ADD3: variants seen among roughly 807,000 people sequenced by gnomAD.
ADD3 encodes adducin 3.
Under a neutral mutation model 80.2 loss-of-function variants are expected in ADD3, and 25 were observed. That is an observed-to-expected ratio of 0.31 (90% CI 0.23 to 0.44). ADD3 has a LOEUF of 0.44. Among genes scored for constraint, ADD3 ranks in the 20% least tolerant of loss-of-function variants. ADD3 has a pLI of 1.00. For synonymous variants in ADD3, 284 were observed against 289.6 expected (o/e 0.98, Z 0.20); for missense variants, 829 against 847.5 (o/e 0.98, Z 0.27).
chr10:110,067,348 ATTAC>A (rs1844086252), intron 1 of ADD3, among the ~76,000 whole-genome samples: 1 of 152,172 alleles, frequency 6.6e-6, no homozygotes, highest in Admixed American at 6.5e-5. Context: ...ATATTATGTT[ATTAC>A]TTCTCATTTG....
upstream of ADD3, among the ~76,000 whole-genome samples, chr10:110,005,391 C>T (rs1176735867): frequency 1.3e-5 from 2 of 152,168 alleles, no homozygotes; most frequent in African/African-American, 4.8e-5. Flanking sequence ...CATGAGCACA[C>T]ATTGAAACCT....
intron 1 of ADD3, among the ~76,000 whole-genome samples, chr10:110,098,788 C>T (rs1488562817): frequency 6.6e-6 from 1 of 152,106 alleles, no homozygotes; most frequent in East Asian, 1.9e-4. Flanking sequence ...TACCACCACG[C>T]CCAACTAATT....
chr10:110,094,560 T>G (rs2133896335), intron 1 of ADD3, among the ~76,000 whole-genome samples: 1 of 152,296 alleles, frequency 6.6e-6, no homozygotes, highest in Non-Finnish European at 1.5e-5. Flanking sequence ...CCAGGTTCAT[T>G]TGGGTTTTTT....
At chr10:110,094,393 A>AG (rs1322311069) in intron 1 of ADD3, among the ~76,000 whole-genome samples, 11 of 152,214 alleles carry the variant, frequency 7.2e-5, no homozygotes, top group African/African-American at 2.7e-4. Context: ...TCTCATCTGT[A>AG]AAAAGTGATC....
intron 1 of ADD3, among the ~76,000 whole-genome samples, chr10:110,076,430 T>G (rs568789392): frequency 1.3e-5 from 2 of 152,332 alleles, no homozygotes; most frequent in South Asian, 4.1e-4. Flanking sequence ...AATTTTCTTT[T>G]TTACATGTAC....
intron 2 of ADD3, among the ~76,000 whole-genome samples, chr10:110,103,498 T>C (rs903795229): frequency 3.3e-5 from 5 of 152,228 alleles, no homozygotes; most frequent in African/African-American, 1.2e-4. Flanking sequence ...GGACTTTTTC[T>C]AAAGCTGCTT....
At chr10:110,069,087 A>AG in intron 1 of ADD3, among the ~76,000 whole-genome samples, 1 of 152,116 alleles carries the variant, frequency 6.6e-6, no homozygotes, top group African/African-American at 2.4e-5. Flanking sequence ...AAAAAAAAAA[A>AG]ATTGCCTGTA....
At chr10:110,075,288 A>G (rs1845258192) in intron 1 of ADD3, among the ~76,000 whole-genome samples, 1 of 150,860 alleles carries the variant, frequency 6.6e-6, no homozygotes, top group Admixed American at 6.6e-5. Flanking sequence ...AAGGGAGAAT[A>G]TTTTTTCATG....
At chr10:110,080,717 T>C (rs1329309811) in intron 1 of ADD3, among the ~76,000 whole-genome samples, 1 of 152,254 alleles carries the variant, frequency 6.6e-6, no homozygotes, top group East Asian at 1.9e-4. Flanking sequence ...GCTTTGAAAC[T>C]TGGCTTCAGG....
intron 1 of ADD3, among the ~76,000 whole-genome samples, chr10:110,058,530 C>T (rs867629399): frequency 3.3e-5 from 5 of 152,148 alleles, no homozygotes; most frequent in African/African-American, 7.2e-5. Flanking sequence ...ATCATACCCA[C>T]GGTGATAGTA....
chr10:110,025,886 CTTCTT>C (rs1854229400), intron 1 of ADD3, among the ~76,000 whole-genome samples: 1 of 151,976 alleles, frequency 6.6e-6, no homozygotes, highest in Non-Finnish European at 1.5e-5. Flanking sequence ...AGATTTGAGG[CTTCTT>C]TTCAAGATAT....
rs1415782765 is a variant in ADD3, at chr10:110,134,320, TTAACTC to T, written c.*704_*709del. 2 of 129,992 alleles carry T rather than the reference TTAACTC, an allele frequency of 1.5e-5. No individual in the cohort carries two copies. The highest frequency in any genetic ancestry group is 3.4e-5 in the African/African-American group (1 of 29,302). The allele number at this position is 129,992 out of a possible 1,614,324, so 8.1% of individuals were successfully genotyped here. A position where few individuals can be genotyped will look rare whatever the true frequency, so the allele number is the denominator to read the frequency against. ...GTACACATAACATGGGTTATTTAGT[TTAACTC>T]TGGCAAAAAAAAAAAAAAAAATTTT... On this transcript the variant is annotated 3_prime_UTR_variant, in exon 15 of 15. Transcript: ENST00000356080.
upstream of ADD3, among the ~76,000 whole-genome samples, chr10:110,005,275 T>C (rs756738254): frequency 1.3e-5 from 2 of 151,160 alleles, no homozygotes; most frequent in African/African-American, 2.4e-5. Context: ...TTGGCCAGGC[T>C]GGTCTTGAAC....
At chr10:110,085,686 C>A (rs765513626) in intron 1 of ADD3, among the ~76,000 whole-genome samples, 1 of 152,176 alleles carries the variant, frequency 6.6e-6, no homozygotes, top group East Asian at 1.9e-4. Context: ...AAGACTGAGA[C>A]GTGGGCCCTA....
At chr10:110,024,350 A>G (rs556512834) in intron 1 of ADD3, among the ~76,000 whole-genome samples, 1 of 152,350 alleles carries the variant, frequency 6.6e-6, no homozygotes, top group South Asian at 2.1e-4. Flanking sequence ...GTAAGCACCT[A>G]TAATAAATTA....
At chr10:110,002,904 A>C (rs1851513549), upstream of ADD3, among the ~76,000 whole-genome samples, 1 of 152,226 alleles carries the variant, frequency 6.6e-6, no homozygotes, top group African/African-American at 2.4e-5. Flanking sequence ...ATGTTGACGA[A>C]TCCTTGAGTA....
intron 1 of ADD3, among the ~76,000 whole-genome samples, chr10:110,088,984 G>A (rs1847140107): frequency 6.6e-6 from 1 of 152,060 alleles, no homozygotes; most frequent in Non-Finnish European, 1.5e-5. Flanking sequence ...TGGATTATTT[G>A]CATTTCTTCA....
intron 1 of ADD3, among the ~76,000 whole-genome samples, chr10:110,031,018 G>A (rs578025646): frequency 1.3e-5 from 2 of 152,138 alleles, no homozygotes; most frequent in African/African-American, 4.8e-5. Flanking sequence ...GCTCACGCCT[G>A]TAATCCCAGC....
rs948544021 is a variant in ADD3 at position 110,133,760 on chromosome 10, A to C, written c.*142A>C. The stretch of plus-strand genomic sequence containing the variant: ...ACTTTAAGAACTGGAAAGAGGTTTT[A>C]CAAAAGAAAAACTTTCAGATTCATC... On this transcript the variant is annotated 3_prime_UTR_variant, in exon 15 of 15. Coordinates refer to ENST00000356080, the MANE Select transcript of ADD3 (RefSeq NM_016824.5). The C allele has an allele frequency of 1.1e-5, 7 of 648,682 alleles. No individual in the cohort carries two copies. The highest frequency in any genetic ancestry group is 4.5e-4 in the Middle Eastern group (1 of 2,244). 40.2% of individuals were successfully genotyped at this position (648,682 alleles called of 1,614,324 possible). A position where few individuals can be genotyped will look rare whatever the true frequency, so the allele number is the denominator to read the frequency against.
Sources: gnomAD v4.1 joint callset for allele counts (sites outside exome capture counted in the v4.1 genomes callset) on GRCh38, gnomAD v4.1.1 for gene constraint, MANE v1.5 for transcripts, NCBI Gene and HGNC (gene_info 2026-07-23, HGNC 2026-07-21) for gene names.